MCF2L2: variants seen among roughly 807,000 people sequenced by gnomAD.
MCF2L2 encodes MCF.2 cell line derived transforming sequence-like 2.
MCF2L2 carries 102 observed loss-of-function variants against 150.2 expected under a neutral mutation model. The ratio of observed to expected loss-of-function variants is 0.68; its 90% CI spans 0.58 to 0.80. The LOEUF is 0.80. Ranked by LOEUF, MCF2L2 falls within the 30% of genes least tolerant of loss-of-function variation. MCF2L2 has a pLI of 0.00. For missense variants in MCF2L2, 1,256 were observed against 1,372.8 expected, an observed-to-expected ratio of 0.91 and a Z score of 1.34; for synonymous variants, 465 against 491.3, an observed-to-expected ratio of 0.95 and a Z score of 0.71.
At chr3:183,282,857 A>C (rs1198968085) in intron 14 of MCF2L2, among the ~76,000 whole-genome samples, 1 of 152,232 alleles carries the variant, frequency 6.6e-6, no homozygotes, top group East Asian at 1.9e-4. Context: ...TGGGTTGACT[A>C]TCGTAGCATC....
chr3:183,224,831 A>G (rs1723286291), intron 18 of MCF2L2: 1 of 152,370 alleles, frequency 6.6e-6, no homozygotes, highest in African/African-American at 2.4e-5. Flanking sequence ...GGAGCTAGAG[A>G]GCAAGGAGGA....
At chr3:183,367,830 T>C (rs1307219711) in intron 3 of MCF2L2, among the ~76,000 whole-genome samples, 2 of 152,116 alleles carry the variant, frequency 1.3e-5, no homozygotes, top group African/African-American at 2.4e-5. Context: ...AGAGAAAGCA[T>C]CATAATACGC....
chr3:183,383,232 T>A (rs201720024), intron 2 of MCF2L2, among the ~76,000 whole-genome samples: 22 of 138,614 alleles, frequency 1.6e-4, no homozygotes, highest in South Asian at 6.8e-4. Flanking sequence ...TTATTTTATT[T>A]ATTTATTTAT....
chr3:183,273,603 G>A (rs1560394850), intron 15 of MCF2L2, among the ~76,000 whole-genome samples: 1 of 152,176 alleles, frequency 6.6e-6, no homozygotes, highest in African/African-American at 2.4e-5. Context: ...ACAAAATGAC[G>A]TTTCGGTTAA....
intron 15 of MCF2L2, among the ~76,000 whole-genome samples, chr3:183,251,287 G>A (rs141878661): frequency 1.3e-5 from 2 of 152,280 alleles, no homozygotes; most frequent in Non-Finnish European, 2.9e-5. Context: ...TAAGCCACTC[G>A]GTTATCAGAC....
chr3:183,181,155 G>A lies in MCF2L2; in HGVS notation c.3017-996C>T, dbSNP rs1721505040. Among the ~76,000 whole-genome samples, 1 of 152,204 alleles carries A rather than the reference G, an allele frequency of 6.6e-6. No individual in the cohort carries two copies. Among genetic ancestry groups the A allele is most frequent in the Non-Finnish European group, 1.5e-5 (1 of 68,030 alleles). ...GGGAGGGCATTCTGGGCAGAGGCAT[G>A]GCCAGAGGGCGGTAGGCGGCAGTGG... On this transcript the variant is annotated intron_variant, in intron 27 of 29. Coordinates refer to ENST00000328913, the MANE Select transcript of MCF2L2 (RefSeq NM_015078.4). The surrounding 1 kb of genome is among the most constrained non-coding windows in gnomAD (Gnocchi z 4.3).
chr3:183,276,993 G>GT (rs756828742), intron 14 of MCF2L2, 36 bp from the exon 15 acceptor site: 2 of 1,350,074 alleles, frequency 1.5e-6, no homozygotes, highest in South Asian at 2.5e-5. Context: ...ATTTGATATT[G>GT]TAGGGACCTC....
At chr3:183,368,513 C>T (rs1465922606) in intron 3 of MCF2L2, among the ~76,000 whole-genome samples, 1 of 152,148 alleles carries the variant, frequency 6.6e-6, no homozygotes, top group African/African-American at 2.4e-5. Flanking sequence ...CCTGTAATCC[C>T]AGCACTTTGG....
chr3:183,403,649 G>A (rs76880083), intron 1 of MCF2L2, among the ~76,000 whole-genome samples: 3,515 of 152,286 alleles, frequency 0.023, 146 homozygotes, highest in African/African-American at 0.08. Context: ...ATCCTCGAAG[G>A]AATCTTTTGT....
chr3:183,289,332 C>T (rs1727986009), intron 13 of MCF2L2, 112 bp from the exon 14 acceptor site: 2 of 675,688 alleles, frequency 3.0e-6, no homozygotes, highest in African/African-American at 1.8e-5. Flanking sequence ...ACTATAAAAG[C>T]TCACTTGAGC....
At chr3:183,342,138 A>C (rs1509007) in intron 3 of MCF2L2, among the ~76,000 whole-genome samples, 42,699 of 152,208 alleles carry the variant, frequency 0.28, 9,107 homozygotes, top group African/African-American at 0.6. Context: ...GCCAATAGAC[A>C]ATATGCTTGA....
intron 3 of MCF2L2, among the ~76,000 whole-genome samples, chr3:183,368,856 A>C (rs1167960554): frequency 6.6e-6 from 1 of 152,182 alleles, no homozygotes; most frequent in Non-Finnish European, 1.5e-5. Context: ...ATAATACTGA[A>C]TGTACATCAT....
chr3:183,207,841 A>T lies in MCF2L2; in HGVS notation c.2497-18T>A. On this transcript the variant is annotated intron_variant, in intron 22 of 29. Coordinates refer to ENST00000328913, the MANE Select transcript of MCF2L2 (RefSeq NM_015078.4). ...ATATCGTCCTTTTGGAAACACACAT[A>T]CAGGAAAAGAAGCTGTAAAATTACT... 1 of 1,586,244 alleles carries T rather than the reference A, an allele frequency of 6.3e-7. No homozygotes were observed. The highest frequency in any genetic ancestry group is 8.6e-7 in the Non-Finnish European group (1 of 1,157,758).
intron 3 of MCF2L2, among the ~76,000 whole-genome samples, chr3:183,353,237 C>G (rs973697267): frequency 6.6e-6 from 1 of 152,082 alleles, no homozygotes; most frequent in Non-Finnish European, 1.5e-5. Context: ...CTTTAGGAAT[C>G]AGCTACACTC....
intron 27 of MCF2L2, among the ~76,000 whole-genome samples, chr3:183,186,408 C>T (rs192601395): frequency 3.3e-5 from 5 of 152,292 alleles, no homozygotes; most frequent in Admixed American, 2.6e-4. Flanking sequence ...CACCCACCAC[C>T]ATGCCCAGCT....
intron 5 of MCF2L2, among the ~76,000 whole-genome samples, chr3:183,336,863 A>AT (rs1730503207): frequency 5.4e-5 from 7 of 129,142 alleles, no homozygotes; most frequent in African/African-American, 1.9e-4. Context: ...CTCAAAAAAA[A>AT]AATATATATA....
intron 15 of MCF2L2, among the ~76,000 whole-genome samples, chr3:183,244,458 T>C (rs975322763): frequency 1.3e-5 from 2 of 152,188 alleles, no homozygotes. Context: ...TTGTGGGACT[T>C]GGTATCTTGT....
intron 16 of MCF2L2, 65 bp downstream of exon 16, chr3:183,230,886 T>C: frequency 3.8e-6 from 5 of 1,302,246 alleles, no homozygotes; most frequent in Middle Eastern, 3.7e-4. Flanking sequence ...TTTGAGTCTC[T>C]TTGTACAACA....
chr3:183,186,586 G>C (rs1363951691), intron 27 of MCF2L2, among the ~76,000 whole-genome samples: 1 of 152,232 alleles, frequency 6.6e-6, no homozygotes, highest in Non-Finnish European at 1.5e-5. Flanking sequence ...AATTAGCGAG[G>C]TGTGGTGGTG....
Sources: gnomAD v4.1 joint callset for allele counts (sites outside exome capture counted in the v4.1 genomes callset) on GRCh38, gnomAD v4.1.1 for gene constraint, Gnocchi (gnomAD v3.1) non-coding constraint, MANE v1.5 for transcripts, NCBI Gene and HGNC (gene_info 2026-07-23, HGNC 2026-07-21) for gene names.